PCNX2: variants seen among roughly 807,000 people sequenced by gnomAD.
PCNX2 encodes pecanex 2, also known as pecanex-like protein 2.
Under a neutral mutation model 223.8 loss-of-function variants are expected in PCNX2, and 168 were observed. That is an observed-to-expected ratio of 0.75 (90% CI 0.66 to 0.85). PCNX2 has a LOEUF of 0.85. PCNX2 is among the 40% of genes least tolerant of loss of function. The probability of loss-of-function intolerance (pLI) is 0.00; values close to 1 mark genes in which losing one functional copy is unlikely to be tolerated. For synonymous variants in PCNX2, 1,006 were observed against 1,052.6 expected, an observed-to-expected ratio of 0.96 and a Z score of 0.86; for missense variants, 2,507 against 2,675.5, an observed-to-expected ratio of 0.94 and a Z score of 1.39.
chr1:233,113,981 G>A (rs114489563), intron 21 of PCNX2, among the ~76,000 whole-genome samples: 1 of 152,212 alleles, frequency 6.6e-6, no homozygotes, highest in South Asian at 2.1e-4. Flanking sequence ...GCCTGACTGT[G>A]TTCTGCAAAT....
chr1:233,007,266 T>C (rs1236820113), intron 28 of PCNX2, among the ~76,000 whole-genome samples: 1 of 151,666 alleles, frequency 6.6e-6, no homozygotes, highest in Non-Finnish European at 1.5e-5. Context: ...CTTCCATTTG[T>C]ATGGTGACTT....
chr1:233,051,498 T>A (rs1375867579), intron 25 of PCNX2, among the ~76,000 whole-genome samples: 3 of 152,202 alleles, frequency 2.0e-5, no homozygotes, highest in Non-Finnish European at 2.9e-5. Context: ...ATATACACCA[T>A]GGAATACTAT....
At chr1:233,111,866 G>C (rs556593383) in intron 21 of PCNX2, among the ~76,000 whole-genome samples, 2 of 152,234 alleles carry the variant, frequency 1.3e-5, no homozygotes, top group Non-Finnish European at 2.9e-5. Flanking sequence ...AGTGAAACAA[G>C]TGACTGAAGG....
intron 12 of PCNX2, among the ~76,000 whole-genome samples, chr1:233,217,214 T>C (rs1237131417): frequency 6.6e-6 from 1 of 152,108 alleles, no homozygotes. Flanking sequence ...ATTTTAAATG[T>C]TCTCACCAGA....
At chr1:233,111,214 G>A (rs1675096482) in intron 21 of PCNX2, among the ~76,000 whole-genome samples, 1 of 152,084 alleles carries the variant, frequency 6.6e-6, no homozygotes, top group South Asian at 2.1e-4. Flanking sequence ...TTGTGAGATG[G>A]GTTTCAGTCC....
At chr1:233,211,636 T>A (rs1681824389) in intron 12 of PCNX2, 1 of 295,374 alleles carries the variant, frequency 3.4e-6, no homozygotes, top group Non-Finnish European at 5.0e-6. Flanking sequence ...GTCCCAGGCC[T>A]CACCAACAGA....
chr1:233,010,542 T>C (rs1205598857), intron 28 of PCNX2, among the ~76,000 whole-genome samples: 3 of 152,236 alleles, frequency 2.0e-5, no homozygotes, highest in African/African-American at 7.2e-5. Flanking sequence ...TCACCTTTCA[T>C]GTATTTGAAG....
At chr1:233,223,257 T>C (rs748594083) in intron 10 of PCNX2, among the ~76,000 whole-genome samples, 2 of 152,084 alleles carry the variant, frequency 1.3e-5, no homozygotes, top group South Asian at 2.1e-4. Flanking sequence ...AAGAAAAAGA[T>C]GGAATCAACG....
intron 17 of PCNX2, among the ~76,000 whole-genome samples, chr1:233,174,957 C>T (rs763200973): frequency 3.3e-5 from 5 of 152,160 alleles, no homozygotes; most frequent in Non-Finnish European, 7.3e-5. Flanking sequence ...TAAACAGAAT[C>T]ACCTGGGTGA....
At chr1:233,199,988 G>A (rs1680969703) in intron 14 of PCNX2, among the ~76,000 whole-genome samples, 166 bp downstream of exon 14, 1 of 152,128 alleles carries the variant, frequency 6.6e-6, no homozygotes, top group South Asian at 2.1e-4. Context: ...TTGGCTACAG[G>A]AAATCTGGAC....
intron 21 of PCNX2, among the ~76,000 whole-genome samples, chr1:233,101,876 C>G (rs1478618652): frequency 6.6e-6 from 1 of 151,970 alleles, no homozygotes; most frequent in Non-Finnish European, 1.5e-5. Context: ...TGGAAAAAAG[C>G]AAAAAGAGTT....
At chr1:232,987,326 C>T (rs914093453) in intron 32 of PCNX2, among the ~76,000 whole-genome samples, 3 of 152,246 alleles carry the variant, frequency 2.0e-5, no homozygotes, top group Non-Finnish European at 2.9e-5. Context: ...GTCTTCTGTG[C>T]GTGATGGCCC....
At chr1:233,045,129 G>C (rs1671782603) in intron 25 of PCNX2, among the ~76,000 whole-genome samples, 1 of 152,134 alleles carries the variant, frequency 6.6e-6, no homozygotes, top group Non-Finnish European at 1.5e-5. Context: ...AACTACCCCA[G>C]TTATTTTTTG....
At chr1:233,321,523 T>C in the PCNX2 span, among the ~76,000 whole-genome samples, 1 of 152,064 alleles carries the variant, frequency 6.6e-6, no homozygotes, top group Non-Finnish European at 1.5e-5. Context: ...GTCTGGAACT[T>C]CTGACCTCAA....
intron 26 of PCNX2, among the ~76,000 whole-genome samples, chr1:233,017,519 T>C (rs530181148): frequency 6.4e-4 from 98 of 152,212 alleles, no homozygotes; most frequent in African/African-American, 2.3e-3. Context: ...GGTTTCACCA[T>C]GTTAGCCAGG....
chr1:233,298,818 G>C (rs2103036778), upstream of PCNX2, among the ~76,000 whole-genome samples: 1 of 152,242 alleles, frequency 6.6e-6, no homozygotes, highest in East Asian at 1.9e-4. Context: ...GGAGGCAGAG[G>C]TTGCAGTGAG....
At chr1:233,040,627 C>A (rs1322018059) in intron 25 of PCNX2, among the ~76,000 whole-genome samples, 1 of 152,146 alleles carries the variant, frequency 6.6e-6, no homozygotes, top group African/African-American at 2.4e-5. Context: ...TCTCCTATGG[C>A]CTCTCTGGTC....
chr1:233,043,849 A>C (rs1572041170), intron 25 of PCNX2, among the ~76,000 whole-genome samples: 1 of 151,172 alleles, frequency 6.6e-6, no homozygotes, highest in Non-Finnish European at 1.5e-5. Flanking sequence ...GCTATTGTGA[A>C]TAGTGCCACA....
chr1:233,167,454 A>G (rs911649727), intron 17 of PCNX2, among the ~76,000 whole-genome samples: 6 of 152,162 alleles, frequency 3.9e-5, no homozygotes, highest in Admixed American at 6.5e-5. Context: ...ATAAAGTAGC[A>G]GATATGTAGG....
Sources: allele counts gnomAD v4.1 joint callset (sites outside exome capture counted in the v4.1 genomes callset), GRCh38; gene constraint gnomAD v4.1.1; transcripts MANE v1.5; gene names NCBI Gene and HGNC (gene_info 2026-07-23, HGNC 2026-07-21).